Variants in CHORDC1 observed in about 807,000 individuals in gnomAD.
CHORDC1 encodes the protein cysteine and histidine rich domain containing 1, also known as cysteine and histidine-rich domain-containing protein 1.
A neutral mutation model predicts 48.3 loss-of-function variants in CHORDC1; 25 were observed. The ratio of observed to expected loss-of-function variants is 0.52; its 90% CI spans 0.38 to 0.72. The LOEUF is 0.72. Among genes scored for constraint, CHORDC1 ranks in the 30% least tolerant of loss-of-function variants. The pLI is 0.00. For missense variants in CHORDC1, 317 were observed against 388.7 expected, an observed-to-expected ratio of 0.82 and a Z score of 1.55; for synonymous variants, 128 against 126.4, an observed-to-expected ratio of 1.01 and a Z score of -0.09.
At position 90,202,259 on chromosome 11, in the gene CHORDC1, CTT is replaced by C; in HGVS notation, c.*144_*145del. ...TGAGAGGCACAAAAAGACAAACTGA[CTT>C]TGGCTTTTAAGAACCTAATGTTAAC... On this transcript the variant is annotated 3_prime_UTR_variant, in exon 11 of 11. Transcript: ENST00000320585. 2 of 694,718 alleles carry C rather than the reference CTT, an allele frequency of 2.9e-6. No individual in the cohort carries two copies. 43.0% of individuals were successfully genotyped at this position (694,718 alleles called of 1,614,324 possible).
chr11:90,218,220 C>A, intron 1 of CHORDC1, 36 bp from the exon 2 acceptor site: 1 of 1,494,024 alleles, frequency 6.7e-7, no homozygotes, highest in Non-Finnish European at 9.0e-7. Context: ...AAGTACCACT[C>A]TTTATAATGA....
At chr11:90,216,951 C>T (rs189831400) in intron 2 of CHORDC1, among the ~76,000 whole-genome samples, 35 of 152,178 alleles carry the variant, frequency 2.3e-4, no homozygotes, top group African/African-American at 7.2e-4. Context: ...GAAAAAGACA[C>T]AGTAAAACAA....
At chr11:90,211,050 T>C in intron 5 of CHORDC1, 165 bp downstream of exon 5, 1 of 485,786 alleles carries the variant, frequency 2.1e-6, no homozygotes, top group Non-Finnish European at 3.6e-6. Flanking sequence ...TATTAGGTTC[T>C]GAAGTATTTG....
At position 90,213,356 on chromosome 11, in the gene CHORDC1, C is replaced by CT. The variant is rs762162468; in HGVS notation, c.329+661dup. 154 of 635,384 alleles carry CT rather than the reference C, an allele frequency of 2.4e-4. No homozygotes were observed. In the African/African-American group the frequency reaches 2.5e-3, roughly 10 times the overall value. 39.4% of individuals were successfully genotyped at this position (635,384 alleles called of 1,614,324 possible). Reference sequence around the variant, plus strand: ...AGCCAAAAAAAAAAAAAAAAATCACCTTTTTTTAAGTCCTGTAGTTTGCTT... The same window carrying CT: ...AGCCAAAAAAAAAAAAAAAAATCACCTTTTTTTTAAGTCCTGTAGTTTGCTT... On this transcript the variant is annotated intron_variant, in intron 4 of 10. Coordinates refer to ENST00000320585, the MANE Select transcript of CHORDC1 (RefSeq NM_012124.3).
At chr11:90,210,676 C>G (rs1857836688) in intron 5 of CHORDC1, 82 bp from the exon 6 acceptor site, 3 of 833,310 alleles carry the variant, frequency 3.6e-6, no homozygotes, top group Non-Finnish European at 5.8e-6. Flanking sequence ...TAGGTTTTTC[C>G]AGAAAACAAT....
In CHORDC1 at chr11:90,206,254, T is replaced by A. The variant is rs754704994; in HGVS notation, c.511A>T (p.Ser171Cys). Residue 171 changes from serine to cysteine, a missense_variant, in exon 7 of 11, where the codon AGT becomes TGT. Coordinates refer to ENST00000320585, the MANE Select transcript of CHORDC1 (RefSeq NM_012124.3). ...GCSKTYQGLE[S>C]LEEVCVYHSG... ...TGATATACACAGACTTCTTCTAGACTCTCTAGACCCTGGTATGTCTAAAAA... is the reference window on the plus strand; with the variant it reads ...TGATATACACAGACTTCTTCTAGACACTCTAGACCCTGGTATGTCTAAAAA... The A allele has an allele frequency of 1.9e-6, 3 of 1,565,794 alleles. No individual in the cohort carries two copies. The South Asian group carries it at 3.3e-5, about 17-fold the overall frequency.
intron 4 of CHORDC1, 37 bp downstream of exon 4, chr11:90,213,981 C>G: frequency 6.5e-7 from 1 of 1,536,960 alleles, no homozygotes; most frequent in South Asian, 1.2e-5. Context: ...TGCTACTATT[C>G]AAGTGTGACA....
At position 90,203,480 on chromosome 11, in the gene CHORDC1, C is replaced by A. The variant is rs919579897; in HGVS notation, c.670-53G>T. On this transcript the variant is annotated intron_variant, in intron 8 of 10. Transcript: ENST00000320585. ...TAAAAAAGTGCCACATAATTAATTT[C>A]TTAAAAAGAGGAATTTGACCCATCT... 2.7e-6 allele frequency: 4 copies of A among 1,471,862 alleles called. No individual in the cohort carries two copies. The African/African-American group carries it at 5.5e-5, about 20-fold the overall frequency. The allele number at this position is 1,471,862 out of a possible 1,614,324, so 91.2% of individuals were successfully genotyped here.
chr11:90,205,796 G>A (rs777075914), intron 7 of CHORDC1: 13 of 497,924 alleles, frequency 2.6e-5, no homozygotes, highest in Non-Finnish European at 3.5e-5. Flanking sequence ...GCATAATACA[G>A]AAGAGAGGCT....
chr11:90,219,024 G>C (rs989905054), intron 1 of CHORDC1, among the ~76,000 whole-genome samples: 1 of 151,404 alleles, frequency 6.6e-6, no homozygotes, highest in Non-Finnish European at 1.5e-5. Context: ...CCAGCACTTT[G>C]GGAGGCTGAG....
At chr11:90,205,866 C>T in intron 7 of CHORDC1, 1 of 440,192 alleles carries the variant, frequency 2.3e-6, no homozygotes, top group South Asian at 2.9e-5. Context: ...CTTAGTGCCC[C>T]AGGGCCCAAA....
At chr11:90,213,854 G>C in intron 4 of CHORDC1, 164 bp downstream of exon 4, 6 of 580,634 alleles carry the variant, frequency 1.0e-5, no homozygotes, top group Non-Finnish European at 1.8e-5. Context: ...AAGTTGAAGA[G>C]AAATAAAAAT....
chr11:90,218,719 A>C (rs551916234), intron 1 of CHORDC1, among the ~76,000 whole-genome samples: 56 of 152,266 alleles, frequency 3.7e-4, no homozygotes, highest in African/African-American at 1.3e-3. Flanking sequence ...TAAAAAGAAG[A>C]CTAGGGTGCC....
Position 90,206,188 on chromosome 11 carries a change from C to A in CHORDC1, c.563+14G>T, listed in dbSNP as rs747630918. On this transcript the variant is annotated intron_variant, in intron 7 of 10. Coordinates refer to ENST00000320585, the MANE Select transcript of CHORDC1 (RefSeq NM_012124.3). ...TCTACCATAAACTATTTTAATAAGT[C>A]ATGCATAAGTTACCCCTCATGGAAA... 5.0e-6 allele frequency: 7 copies of A among 1,398,900 alleles called. No individual in the cohort carries two copies. Among genetic ancestry groups the A allele is most frequent in the Non-Finnish European group, 6.1e-6 (6 of 985,370 alleles). The allele number at this position is 1,398,900 out of a possible 1,614,324, so 86.7% of individuals were successfully genotyped here. A position where few individuals can be genotyped will look rare whatever the true frequency, so the allele number is the denominator to read the frequency against.
chr11:90,218,041 C>A (rs1453396468), intron 2 of CHORDC1, 94 bp downstream of exon 2: 1 of 902,118 alleles, frequency 1.1e-6, no homozygotes, highest in Non-Finnish European at 1.6e-6. Flanking sequence ...AAGAAAGTCA[C>A]TAGCTGAGAA....
intron 7 of CHORDC1, 162 bp from the exon 8 acceptor site, chr11:90,205,727 G>C (rs555282429): frequency 2.1e-5 from 12 of 577,288 alleles, no homozygotes; most frequent in Non-Finnish European, 3.3e-5. Context: ...AGTATATCAG[G>C]AAGAATGTGG....
At chr11:90,219,507 T>C (rs1858108943) in intron 1 of CHORDC1, among the ~76,000 whole-genome samples, 1 of 152,210 alleles carries the variant, frequency 6.6e-6, no homozygotes, top group African/African-American at 2.4e-5. Context: ...ATGCCCAGGC[T>C]AGAAGGTTGT....
chr11:90,207,594 C>A (rs1279502455), intron 6 of CHORDC1: 4 of 150,852 alleles, frequency 2.7e-5, no homozygotes, highest in Non-Finnish European at 5.9e-5. Flanking sequence ...ATAAAGAATT[C>A]TTACAAACTG....
chr11:90,218,970 A>G (rs1858090723), intron 1 of CHORDC1, among the ~76,000 whole-genome samples: 1 of 152,008 alleles, frequency 6.6e-6, no homozygotes, highest in Non-Finnish European at 1.5e-5. Flanking sequence ...AAAAAAAAAA[A>G]AAAATAGAAG....
Sources: allele counts gnomAD v4.1 joint callset (sites outside exome capture counted in the v4.1 genomes callset), GRCh38; gene constraint gnomAD v4.1.1; transcripts MANE v1.5; gene names NCBI Gene and HGNC (gene_info 2026-07-23, HGNC 2026-07-21).